The following TENM3 variants were observed in gnomAD, a reference collection of about 807,000 sequenced individuals.
TENM3 encodes the protein teneurin-3.
A neutral mutation model predicts 255.1 loss-of-function variants in TENM3; 63 were observed. The ratio of observed to expected loss-of-function variants is 0.25; its 90% CI spans 0.20 to 0.30. The LOEUF is 0.30. TENM3 is among the 10% of genes least tolerant of loss of function. TENM3 has a pLI of 1.00. For synonymous variants in TENM3, 1,306 were observed against 1,322.3 expected, an observed-to-expected ratio of 0.99 and a Z score of 0.27; for missense variants, 2,929 against 3,461.1, an observed-to-expected ratio of 0.85 and a Z score of 3.86.
chr4:182,754,629 C>T lies in TENM3; in HGVS notation c.4262C>T (p.Thr1421Ile). The T allele has an allele frequency of 6.2e-7, 1 of 1,614,006 alleles. No homozygotes were observed. The highest frequency in any genetic ancestry group is 1.1e-5 in the South Asian group (1 of 91,078). ...SYSGVLYITE[T>I]DEKKINRIRQ... The stretch of plus-strand genomic sequence containing the variant: ...AGTGGGGTCCTGTACATTACTGAAA[C>T]TGATGAGAAGAAAATTAACCGGATA... Residue 1421 changes from threonine (T) to isoleucine (I), a missense_variant, in exon 22 of 28, where the codon ACT (threonine) becomes ATT (isoleucine). Physicochemically the swap from Thr to Ile is moderately conservative, Grantham distance 89. Coordinates refer to ENST00000511685, the MANE Select transcript of TENM3 (RefSeq NM_001080477.4). This position sits in a 1 kb window ranked among gnomAD's most constrained non-coding sequence, Gnocchi z 5.1.
At chr4:182,357,450 G>A (rs1478644715) in intron 3 of TENM3, among the ~76,000 whole-genome samples, 3 of 152,178 alleles carry the variant, frequency 2.0e-5, no homozygotes, top group African/African-American at 7.2e-5. Flanking sequence ...GTTTTGATTT[G>A]CATTTCTCTG....
rs1269103512 is a variant in TENM3, at chr4:182,621,672, ATATATAAAAT to A, written c.750-6978_750-6969del. On this transcript the variant is annotated intron_variant, in intron 4 of 27. Transcript: ENST00000511685. ...TATTATAATATATAATATGTATTAT[ATATATAAAAT>A]ATATAATATATATTATATATAAAAT... is the stretch of plus-strand genomic sequence containing the variant. Among the ~76,000 whole-genome samples, 14 of 67,854 alleles carry A rather than the reference ATATATAAAAT, an allele frequency of 2.1e-4. No homozygotes were observed. In the East Asian group the frequency reaches 4.2e-3, roughly 20 times the overall value. The allele number at this position is 67,854 out of a possible 152,430, so 44.5% of individuals were successfully genotyped here. A position where few individuals can be genotyped will look rare whatever the true frequency, so the allele number is the denominator to read the frequency against.
At chr4:181,690,856 A>C in the TENM3 span, among the ~76,000 whole-genome samples, 2 of 152,176 alleles carry the variant, frequency 1.3e-5, no homozygotes, top group South Asian at 2.1e-4. Context: ...GTCATTTTGC[A>C]TCTGATTATT....
At chr4:182,519,724 A>T (rs4862074) in intron 3 of TENM3, among the ~76,000 whole-genome samples, 1 of 152,046 alleles carries the variant, frequency 6.6e-6, no homozygotes, top group African/African-American at 2.4e-5. Context: ...ACAGTATTAC[A>T]TAATCCAAAG....
chr4:181,451,431 T>C, the TENM3 span, among the ~76,000 whole-genome samples: 1 of 152,156 alleles, frequency 6.6e-6, no homozygotes, highest in Non-Finnish European at 1.5e-5. Flanking sequence ...TAGAGGAATC[T>C]AGGTAGGAGA....
chr4:181,588,059 G>A, the TENM3 span, among the ~76,000 whole-genome samples: 4 of 152,116 alleles, frequency 2.6e-5, no homozygotes, highest in Admixed American at 2.0e-4. Context: ...GGGAAAGCAG[G>A]GAGCATCCAC....
rs539586375 is a variant in TENM3, at chr4:182,719,924, G to A, written c.2368+5691G>A. On this transcript the variant is annotated intron_variant, in intron 13 of 27. Coordinates refer to ENST00000511685, the MANE Select transcript of TENM3 (RefSeq NM_001080477.4). ...AAAAATATAAAAATCAGGCAGGCGT[G>A]GTGGCACACGCCTGTAGTCCGAGCT... 3.8e-3 allele frequency among the ~76,000 whole-genome samples: 582 copies of A among 152,084 alleles called. 2 individuals carry two copies. Among genetic ancestry groups the A allele is most frequent in the Non-Finnish European group, 7.0e-3 (477 of 67,994 alleles).
At chr4:182,307,463 G>C (rs1342283826) in intron 1 of TENM3, among the ~76,000 whole-genome samples, 1 of 152,180 alleles carries the variant, frequency 6.6e-6, no homozygotes, top group Non-Finnish European at 1.5e-5. Flanking sequence ...AGTTGGGAAA[G>C]AGATGGAAAT....
At chr4:181,783,602 G>C in the TENM3 span, among the ~76,000 whole-genome samples, 1 of 152,066 alleles carries the variant, frequency 6.6e-6, no homozygotes, top group South Asian at 2.1e-4. Flanking sequence ...TATCAGAATT[G>C]CATTTAATTT....
At chr4:181,825,468 A>G in the TENM3 span, among the ~76,000 whole-genome samples, 1 of 151,778 alleles carries the variant, frequency 6.6e-6, no homozygotes, top group Non-Finnish European at 1.5e-5. Context: ...TAAAACTAGT[A>G]AGAGAAAACT....
At chr4:182,264,717 C>G (rs902175452) in intron 1 of TENM3, among the ~76,000 whole-genome samples, 2 of 152,150 alleles carry the variant, frequency 1.3e-5, no homozygotes, top group Non-Finnish European at 1.5e-5. Context: ...CTCTGAGCAT[C>G]TTGGAGGTTA....
At chr4:182,031,894 A>T in the TENM3 span, among the ~76,000 whole-genome samples, 2 of 152,148 alleles carry the variant, frequency 1.3e-5, no homozygotes, top group Non-Finnish European at 2.9e-5. Flanking sequence ...ATTTTTGCAC[A>T]TTGATTTTGT....
the TENM3 span, among the ~76,000 whole-genome samples, chr4:181,483,400 G>T: frequency 6.6e-6 from 1 of 152,070 alleles, no homozygotes; most frequent in African/African-American, 2.4e-5. Context: ...GAAAAAAATC[G>T]TAGTCATTCT....
the TENM3 span, among the ~76,000 whole-genome samples, chr4:181,689,349 G>C: frequency 6.6e-6 from 1 of 152,260 alleles, no homozygotes; most frequent in East Asian, 1.9e-4. Flanking sequence ...TTTGTTGTTT[G>C]AAATCTGGCC....
chr4:181,831,737 T>C, the TENM3 span, among the ~76,000 whole-genome samples: 1 of 152,098 alleles, frequency 6.6e-6, no homozygotes, highest in Admixed American at 6.5e-5. Flanking sequence ...CAGGAGTGAT[T>C]GAACCAATCA....
chr4:181,763,887 C>T, the TENM3 span, among the ~76,000 whole-genome samples: 11 of 152,300 alleles, frequency 7.2e-5, no homozygotes, highest in African/African-American at 1.7e-4. Context: ...CTTTTATGAA[C>T]GCAGAGAGTG....
In TENM3 at chr4:182,545,379, A is replaced by G. The variant is rs551906988; in HGVS notation, c.512-55545A>G. Among the ~76,000 whole-genome samples the G allele has an allele frequency of 2.7e-4, 41 of 152,084 alleles. No homozygotes were observed. The South Asian group carries it at 4.6e-3, about 17-fold the overall frequency. On this transcript the variant is annotated intron_variant, in intron 3 of 27. Transcript: ENST00000511685. ...AATATTTCCACTTGCCTTCAGCCCC[A>G]CTACAACCACCCAGGTCTAAGCCAC...
the TENM3 span, among the ~76,000 whole-genome samples, chr4:181,955,174 T>A: frequency 1.3e-5 from 2 of 152,270 alleles, no homozygotes; most frequent in African/African-American, 2.4e-5. Context: ...AGCTTTTTTT[T>A]ATTCTAGGAC....
chr4:182,796,579 A>G (rs879116148), intron 26 of TENM3, 58 bp from the exon 27 acceptor site: 2 of 1,444,210 alleles, frequency 1.4e-6, no homozygotes, highest in South Asian at 1.6e-5. Flanking sequence ...AAGAATTTAA[A>G]TTTATGAAAG....
Sources: allele counts gnomAD v4.1 joint callset (sites outside exome capture counted in the v4.1 genomes callset), GRCh38; gene constraint gnomAD v4.1.1; non-coding constraint Gnocchi (gnomAD v3.1); transcripts MANE v1.5; gene names NCBI Gene and HGNC (gene_info 2026-07-23, HGNC 2026-07-21).